MAF: variants seen among roughly 807,000 people sequenced by gnomAD.
MAF encodes transcription factor Maf.
MAF carries 10 observed loss-of-function variants against 22.0 expected under a neutral mutation model. The ratio of observed to expected loss-of-function variants is 0.45; its 90% CI spans 0.28 to 0.77. MAF has a LOEUF of 0.77. Among genes scored for constraint, MAF ranks in the 30% least tolerant of loss-of-function variants. The probability of loss-of-function intolerance (pLI) is 0.12; values close to 1 mark genes in which losing one functional copy is unlikely to be tolerated. For synonymous variants in MAF, 337 were observed against 255.8 expected (o/e 1.32, Z -3.03); for missense variants, 544 against 548.4 (o/e 0.99, Z 0.08).
the MAF span, among the ~76,000 whole-genome samples, chr16:79,295,891 A>C: frequency 6.6e-6 from 1 of 152,234 alleles, no homozygotes; most frequent in Admixed American, 6.5e-5. Flanking sequence ...CAAGGCATTT[A>C]GGACAAGAAT....
chr16:79,273,591 G>C, the MAF span, among the ~76,000 whole-genome samples: 1 of 152,144 alleles, frequency 6.6e-6, no homozygotes, highest in Non-Finnish European at 1.5e-5. Context: ...AGCTTCTAGA[G>C]GCTGCAACAT....
the MAF span, among the ~76,000 whole-genome samples, chr16:79,533,054 CG>C: frequency 3.9e-5 from 6 of 152,154 alleles, no homozygotes; most frequent in African/African-American, 1.4e-4. Context: ...GAATGCCCTT[CG>C]GGGTAACTTA....
At chr16:79,307,866 G>C in the MAF span, among the ~76,000 whole-genome samples, 28 of 152,296 alleles carry the variant, frequency 1.8e-4, no homozygotes, top group African/African-American at 6.7e-4. Flanking sequence ...TTTATAGAAA[G>C]CTATTCCTAA....
At chr16:79,263,151 C>T in the MAF span, among the ~76,000 whole-genome samples, 2 of 152,174 alleles carry the variant, frequency 1.3e-5, no homozygotes, top group African/African-American at 2.4e-5. Context: ...TAGGCAGACA[C>T]GGCCTCTCAT....
the MAF span, among the ~76,000 whole-genome samples, chr16:79,241,786 C>T: frequency 6.6e-6 from 1 of 152,018 alleles, no homozygotes; most frequent in African/African-American, 2.4e-5. Flanking sequence ...TTAAGGGCAG[C>T]CAGAGAGAAA....
the MAF span, among the ~76,000 whole-genome samples, chr16:79,319,830 C>T: frequency 2.2e-3 from 328 of 152,220 alleles, 3 homozygotes; most frequent in East Asian, 8.1e-3. Flanking sequence ...TAGAGAAATA[C>T]GGAAATACAT....
At chr16:79,210,698 C>A in the MAF span, among the ~76,000 whole-genome samples, 2 of 152,032 alleles carry the variant, frequency 1.3e-5, no homozygotes, top group East Asian at 3.9e-4. Context: ...CTCTGAACAG[C>A]AGCCTATTAT....
chr16:79,594,737 C>G (rs1313887134), intron 1 of MAF, 184 bp from the exon 2 acceptor site: 2 of 1,405,766 alleles, frequency 1.4e-6, no homozygotes, highest in East Asian at 5.3e-5. Context: ...TATTTGTTTG[C>G]TACTCCCACT....
At chr16:79,389,060 A>T in the MAF span, among the ~76,000 whole-genome samples, 1 of 152,184 alleles carries the variant, frequency 6.6e-6, no homozygotes, top group Non-Finnish European at 1.5e-5. Context: ...AATTGATCCC[A>T]TCGGAGACAG....
chr16:79,574,466 C>T, the MAF span, among the ~76,000 whole-genome samples: 1 of 152,196 alleles, frequency 6.6e-6, no homozygotes, highest in Non-Finnish European at 1.5e-5. Flanking sequence ...ACACCATCAA[C>T]ACCGTTAAAA....
the MAF span, among the ~76,000 whole-genome samples, chr16:79,344,931 A>G: frequency 6.6e-6 from 1 of 152,222 alleles, no homozygotes; most frequent in African/African-American, 2.4e-5. Flanking sequence ...TTTGTGAAGA[A>G]TGTAATTAAA....
At chr16:79,464,659 A>T in the MAF span, among the ~76,000 whole-genome samples, 3 of 152,188 alleles carry the variant, frequency 2.0e-5, no homozygotes, top group African/African-American at 7.2e-5. Flanking sequence ...CTGGCAAATG[A>T]CATAACTGAA....
At chr16:79,211,461 T>C in the MAF span, 2 of 988,862 alleles carry the variant, frequency 2.0e-6, no homozygotes, top group Non-Finnish European at 3.1e-6. Flanking sequence ...GTCATGTGCT[T>C]TCAGCCCAGT....
chr16:79,384,103 A>G, the MAF span, among the ~76,000 whole-genome samples: 1 of 152,190 alleles, frequency 6.6e-6, no homozygotes, highest in African/African-American at 2.4e-5. Context: ...GAGGGTGCCT[A>G]GAACAGGAAG....
chr16:79,236,594 G>C, the MAF span, among the ~76,000 whole-genome samples: 1 of 152,028 alleles, frequency 6.6e-6, no homozygotes, highest in Admixed American at 6.6e-5. Flanking sequence ...AGACACAGAA[G>C]GGGCTCAGGA....
chr16:79,303,476 C>A, the MAF span, among the ~76,000 whole-genome samples: 1 of 152,270 alleles, frequency 6.6e-6, no homozygotes, highest in South Asian at 2.1e-4. Context: ...AGAATGATCC[C>A]TGCTGAGGCT....
At chr16:79,282,345 A>G in the MAF span, among the ~76,000 whole-genome samples, 1 of 152,146 alleles carries the variant, frequency 6.6e-6, no homozygotes, top group Non-Finnish European at 1.5e-5. Flanking sequence ...AGGTTGGTGG[A>G]TCAATTTCTC....
the MAF span, chr16:79,212,832 TTTTGTTTTTGTGC>T: frequency 1.3e-5 from 2 of 152,204 alleles, no homozygotes; most frequent in Non-Finnish European, 2.9e-5. Context: ...TGAGTTTGTG[TTTTGTTTTTGTGC>T]TTTGTGGCTG....
the MAF span, among the ~76,000 whole-genome samples, chr16:79,262,289 G>C: frequency 9.2e-5 from 14 of 152,226 alleles, no homozygotes; most frequent in East Asian, 2.7e-3. Flanking sequence ...GGGCTCTTTC[G>C]AATTCTAAAA....
Sources: allele counts gnomAD v4.1 joint callset (sites outside exome capture counted in the v4.1 genomes callset), GRCh38; gene constraint gnomAD v4.1.1; transcripts MANE v1.5; gene names NCBI Gene and HGNC (gene_info 2026-07-23, HGNC 2026-07-21).